The following MACROD2 variants were observed in gnomAD, a reference collection of about 807,000 sequenced individuals.
The protein encoded by MACROD2 is mono-ADP ribosylhydrolase 2.
Under a neutral mutation model 70.4 loss-of-function variants are expected in MACROD2, and 36 were observed. The ratio of observed to expected loss-of-function variants is 0.51; its 90% CI spans 0.39 to 0.68. The LOEUF is 0.68. Among genes scored for constraint, MACROD2 ranks in the 30% least tolerant of loss-of-function variants. The probability of loss-of-function intolerance (pLI) is 0.00; values close to 1 mark genes in which losing one functional copy is unlikely to be tolerated. For missense variants in MACROD2, 496 were observed against 538.4 expected, an observed-to-expected ratio of 0.92 and a Z score of 0.78; for synonymous variants, 172 against 178.8, an observed-to-expected ratio of 0.96 and a Z score of 0.30.
rs11472322 is a variant in MACROD2 at position 15,782,717 on chromosome 20, C to CAAAAAA, written c.646-80011_646-80006dup. On this transcript the variant is annotated intron_variant, in intron 8 of 17. Coordinates refer to ENST00000684519, the MANE Select transcript of MACROD2 (RefSeq NM_001351661.2). ...GAGACATATGCAGATAGAGAAATGG[C>CAAAAAA]AAAAAAAAAAAAAAAAAAAAAAGTT... 5.5e-4 allele frequency among the ~76,000 whole-genome samples: 46 copies of CAAAAAA among 83,326 alleles called. 2 individuals carry two copies. Among genetic ancestry groups the CAAAAAA allele is most frequent in the East Asian group, 2.8e-3 (8 of 2,846 alleles). 54.7% of individuals were successfully genotyped at this position (83,326 alleles called of 152,430 possible).
intron 9 of MACROD2, among the ~76,000 whole-genome samples, chr20:15,872,546 T>C (rs758527325): frequency 2.0e-5 from 3 of 152,200 alleles, no homozygotes; most frequent in Non-Finnish European, 2.9e-5. Flanking sequence ...AGTTTTGTCA[T>C]GTGCAAACAT....
At chr20:15,317,326 A>G (rs1419778617) in intron 6 of MACROD2, among the ~76,000 whole-genome samples, 1 of 152,106 alleles carries the variant, frequency 6.6e-6, no homozygotes, top group Non-Finnish European at 1.5e-5. Flanking sequence ...CAAAAATATC[A>G]TAAGAGAATA....
chr20:15,291,329 C>T (rs1364777725), intron 6 of MACROD2, among the ~76,000 whole-genome samples: 1 of 152,208 alleles, frequency 6.6e-6, no homozygotes, highest in African/African-American at 2.4e-5. Flanking sequence ...ACCTTTGCTG[C>T]TGTCCTATGA....
chr20:15,429,206 T>A (rs6105413), intron 6 of MACROD2, among the ~76,000 whole-genome samples: 1,564 of 152,276 alleles, frequency 0.01, 23 homozygotes, highest in African/African-American at 0.036. Context: ...AGAGACTACA[T>A]CACTTTCAGA....
At chr20:15,746,544 T>C (rs1290242189) in intron 8 of MACROD2, among the ~76,000 whole-genome samples, 1 of 144,840 alleles carries the variant, frequency 6.9e-6, no homozygotes, top group Non-Finnish European at 1.5e-5. Context: ...GAGTTTGGCA[T>C]GGTTGTTTGG....
At chr20:14,462,086 C>A (rs1026147405) in intron 3 of MACROD2, among the ~76,000 whole-genome samples, 1 of 151,990 alleles carries the variant, frequency 6.6e-6, no homozygotes, top group African/African-American at 2.4e-5. Context: ...ATTTCTAGTT[C>A]TAGATCCCTG....
At chr20:14,075,882 G>A (rs1433480703) in intron 2 of MACROD2, among the ~76,000 whole-genome samples, 1 of 152,176 alleles carries the variant, frequency 6.6e-6, no homozygotes, top group Middle Eastern at 3.2e-3. Context: ...GGGCTTTGGA[G>A]ACATCCTTAA....
Position 15,704,610 on chromosome 20 carries a change from A to C in MACROD2, c.646-158135A>C, listed in dbSNP as rs538591440. Among the ~76,000 whole-genome samples, 22 of 152,322 alleles carry C rather than the reference A, an allele frequency of 1.4e-4. No individual in the cohort carries two copies. In the South Asian group the frequency reaches 3.9e-3, roughly 27 times the overall value. On this transcript the variant is annotated intron_variant, in intron 8 of 17. Transcript: ENST00000684519. ...ATGCAGATTGAGATTCTGTGGGTAT[A>C]AGGTGGGGTTGAGATGCTGCCATTC...
chr20:14,351,224 G>A (rs770528075), intron 3 of MACROD2, among the ~76,000 whole-genome samples: 3 of 151,828 alleles, frequency 2.0e-5, no homozygotes, highest in Non-Finnish European at 4.4e-5. Context: ...GGTGGCTTTG[G>A]CTATTCTGGT....
intron 3 of MACROD2, among the ~76,000 whole-genome samples, chr20:14,293,112 GAA>G (rs2082399447): frequency 6.6e-6 from 1 of 151,776 alleles, no homozygotes; most frequent in African/African-American, 2.4e-5. Context: ...TTAAAAGAGA[GAA>G]TATATATTAA....
chr20:15,295,408 A>G (rs1358437178), intron 6 of MACROD2, among the ~76,000 whole-genome samples: 1 of 152,184 alleles, frequency 6.6e-6, no homozygotes, highest in Non-Finnish European at 1.5e-5. Context: ...TTTCTTGCTA[A>G]GTGCACAGTC....
At chr20:15,178,245 T>G (rs1436652737) in intron 5 of MACROD2, among the ~76,000 whole-genome samples, 2 of 152,204 alleles carry the variant, frequency 1.3e-5, no homozygotes, top group African/African-American at 4.8e-5. Context: ...ATTGTATTAC[T>G]TTATGGGGAC....
chr20:15,840,682 C>T (rs1184084417), intron 8 of MACROD2, among the ~76,000 whole-genome samples: 1 of 152,020 alleles, frequency 6.6e-6, no homozygotes, highest in Non-Finnish European at 1.5e-5. Flanking sequence ...AATTCCATGA[C>T]TGAAGAAATG....
At chr20:15,147,806 A>G (rs1406375091) in intron 5 of MACROD2, among the ~76,000 whole-genome samples, 1 of 151,914 alleles carries the variant, frequency 6.6e-6, no homozygotes, top group Non-Finnish European at 1.5e-5. Flanking sequence ...CAGTGAAGGG[A>G]GCTAGGGGTG....
At chr20:15,958,179 T>A (rs1276967203) in intron 12 of MACROD2, among the ~76,000 whole-genome samples, 1 of 152,178 alleles carries the variant, frequency 6.6e-6, no homozygotes, top group East Asian at 1.9e-4. Flanking sequence ...GAACTGATAT[T>A]CCGCCAGTAC....
chr20:14,692,230 C>T (rs545281453), intron 5 of MACROD2, among the ~76,000 whole-genome samples: 2 of 152,264 alleles, frequency 1.3e-5, no homozygotes, highest in African/African-American at 4.8e-5. Flanking sequence ...CTATTGCGTG[C>T]TCAAGTGTGA....
chr20:14,389,882 A>G (rs1208868335), intron 3 of MACROD2, among the ~76,000 whole-genome samples: 2 of 152,190 alleles, frequency 1.3e-5, no homozygotes, highest in East Asian at 1.9e-4. Flanking sequence ...TATCCAACAT[A>G]GTACTGGAAG....
At chr20:14,741,601 A>G (rs536363955) in intron 5 of MACROD2, among the ~76,000 whole-genome samples, 82 of 152,284 alleles carry the variant, frequency 5.4e-4, no homozygotes, top group Middle Eastern at 3.4e-3. Context: ...AAAAAAGGCA[A>G]TTCCACTATT....
At chr20:15,845,367 C>T (rs1813211212) in intron 8 of MACROD2, among the ~76,000 whole-genome samples, 2 of 152,140 alleles carry the variant, frequency 1.3e-5, no homozygotes, top group South Asian at 4.1e-4. Context: ...CGGTCAGTAA[C>T]TAGGATGTTT....
Sources: gnomAD v4.1 joint callset for allele counts (sites outside exome capture counted in the v4.1 genomes callset) on GRCh38, gnomAD v4.1.1 for gene constraint, MANE v1.5 for transcripts, NCBI Gene and HGNC (gene_info 2026-07-23, HGNC 2026-07-21) for gene names.